The following TRABD2B variants were observed in gnomAD, a reference collection of about 807,000 sequenced individuals.
TRABD2B encodes the protein TraB domain containing 2B.
TRABD2B carries 14 observed loss-of-function variants against 40.1 expected under a neutral mutation model. That is an observed-to-expected ratio of 0.35 (90% CI 0.23 to 0.55). TRABD2B has a LOEUF of 0.55. Among genes scored for constraint, TRABD2B ranks in the 20% least tolerant of loss-of-function variants. The pLI is 0.90. For synonymous variants in TRABD2B, 263 were observed against 277.0 expected (o/e 0.95, Z 0.50); for missense variants, 541 against 648.6 (o/e 0.83, Z 1.80).
intron 2 of TRABD2B, among the ~76,000 whole-genome samples, chr1:47,991,263 T>C (rs574064214): frequency 6.6e-6 from 1 of 152,252 alleles, no homozygotes; most frequent in Admixed American, 6.5e-5. Flanking sequence ...GAGAATTCAA[T>C]GCAGTGGAAA....
At chr1:47,795,874 G>A (rs929198866) in intron 3 of TRABD2B, among the ~76,000 whole-genome samples, 2 of 152,116 alleles carry the variant, frequency 1.3e-5, no homozygotes, top group Non-Finnish European at 2.9e-5. Context: ...AACCTAGCTT[G>A]GAGCTGCCTA....
At chr1:47,945,531 T>C (rs957748341) in intron 2 of TRABD2B, among the ~76,000 whole-genome samples, 2 of 152,234 alleles carry the variant, frequency 1.3e-5, no homozygotes, top group African/African-American at 4.8e-5. Flanking sequence ...AATTGAGATA[T>C]AAAACAGTTC....
chr1:47,801,191 G>A (rs376012877), intron 3 of TRABD2B, among the ~76,000 whole-genome samples: 69 of 152,304 alleles, frequency 4.5e-4, no homozygotes, highest in African/African-American at 1.5e-3. Context: ...GAACCTCTGA[G>A]GCCTCCCTGG....
At chr1:47,981,804 A>G (rs1645844171) in intron 2 of TRABD2B, among the ~76,000 whole-genome samples, 1 of 152,258 alleles carries the variant, frequency 6.6e-6, no homozygotes, top group Non-Finnish European at 1.5e-5. Flanking sequence ...CTGAGAGCAT[A>G]GAGCACCTGA....
intron 2 of TRABD2B, among the ~76,000 whole-genome samples, chr1:47,925,008 T>C (rs1644951321): frequency 6.6e-6 from 1 of 152,226 alleles, no homozygotes; most frequent in Admixed American, 6.5e-5. Context: ...CTTTGATTCC[T>C]GGGAAGTCAC....
chr1:47,981,610 A>G (rs879484499), intron 2 of TRABD2B, among the ~76,000 whole-genome samples: 14 of 152,020 alleles, frequency 9.2e-5, no homozygotes, highest in Non-Finnish European at 1.5e-4. Flanking sequence ...CACTAGCCCC[A>G]TATACCTCTC....
At chr1:47,897,827 T>C (rs1007507170) in intron 2 of TRABD2B, among the ~76,000 whole-genome samples, 5 of 152,222 alleles carry the variant, frequency 3.3e-5, no homozygotes, top group Non-Finnish European at 7.3e-5. Context: ...ATTCTTAAGC[T>C]GGAACTGACC....
chr1:47,882,605 TAAC>T (rs1187199858), intron 2 of TRABD2B, among the ~76,000 whole-genome samples: 1 of 152,104 alleles, frequency 6.6e-6, no homozygotes, highest in Non-Finnish European at 1.5e-5. Flanking sequence ...ACCTTGTATC[TAAC>T]ACAGACAGCA....
chr1:47,795,157 C>T (rs1224282968), intron 3 of TRABD2B, among the ~76,000 whole-genome samples: 1 of 152,204 alleles, frequency 6.6e-6, no homozygotes, highest in African/African-American at 2.4e-5. Context: ...TTATGAGGCC[C>T]CTACAGTGGG....
intron 2 of TRABD2B, among the ~76,000 whole-genome samples, chr1:47,938,738 G>C (rs952749205): frequency 2.6e-5 from 4 of 152,188 alleles, no homozygotes; most frequent in Admixed American, 6.5e-5. Context: ...AACTCCAGCA[G>C]GAAGCACACA....
chr1:47,828,417 T>G (rs537332316), intron 2 of TRABD2B, among the ~76,000 whole-genome samples: 1 of 152,326 alleles, frequency 6.6e-6, no homozygotes, highest in South Asian at 2.1e-4. Context: ...TTGCCCCTCC[T>G]GTCTTCCCAT....
chr1:47,948,009 A>G (rs1645284024), intron 2 of TRABD2B, among the ~76,000 whole-genome samples: 1 of 152,166 alleles, frequency 6.6e-6, no homozygotes, highest in African/African-American at 2.4e-5. Flanking sequence ...AAGTACCCCA[A>G]AAGGCTCTGA....
chr1:47,810,569 G>A (rs553087848), intron 2 of TRABD2B, among the ~76,000 whole-genome samples: 2 of 152,162 alleles, frequency 1.3e-5, no homozygotes, highest in South Asian at 2.1e-4. Context: ...GTGAGGCGAC[G>A]GACCTGTGTT....
At chr1:47,820,298 GT>G (rs1166251115) in intron 2 of TRABD2B, 1 of 152,238 alleles carries the variant, frequency 6.6e-6, no homozygotes, top group East Asian at 1.9e-4. Flanking sequence ...TGTAAGTCCA[GT>G]CCCCCTGAGC....
rs546995787 is a variant in TRABD2B at position 47,775,208 on chromosome 1, C to T, written c.1311G>A (p.Pro437=). The change falls in exon 6 of 7, where the codon CCG becomes CCA. Residue 437 remains proline, a synonymous_variant. Coordinates refer to ENST00000606738, the MANE Select transcript of TRABD2B (RefSeq NM_001194986.2). ...GGACCCAGAGGTCATTGAACTGCCG[C>T]GGCCGCTGGTGTGTGCTCTGCCTCT... ...WHKRQSTHQR[P]RQFNDLWVRI... 76 of 1,240,416 alleles carry T rather than the reference C, an allele frequency of 6.1e-5. No homozygotes were observed. Among genetic ancestry groups the T allele is most frequent in the East Asian group, 3.1e-4 (10 of 31,964 alleles). 76.8% of individuals were successfully genotyped at this position (1,240,416 alleles called of 1,614,324 possible).
intron 2 of TRABD2B, among the ~76,000 whole-genome samples, chr1:47,979,190 C>T (rs1226311190): frequency 6.6e-6 from 1 of 150,562 alleles, no homozygotes; most frequent in Non-Finnish European, 1.5e-5. Context: ...GGGAACAATG[C>T]GGGAAGGGGG....
intron 2 of TRABD2B, among the ~76,000 whole-genome samples, chr1:47,980,781 T>C (rs1218928399): frequency 6.6e-6 from 1 of 152,102 alleles, no homozygotes; most frequent in Non-Finnish European, 1.5e-5. Flanking sequence ...CCACAGACTT[T>C]CTCCTCACAC....
intron 2 of TRABD2B, among the ~76,000 whole-genome samples, chr1:47,809,001 G>A (rs1302906780): frequency 1.3e-5 from 2 of 152,068 alleles, no homozygotes; most frequent in Admixed American, 6.5e-5. Flanking sequence ...CCTGGTTCAC[G>A]GCCTCCCCAG....
At chr1:47,992,505 G>A (rs923437783) in intron 2 of TRABD2B, among the ~76,000 whole-genome samples, 2 of 152,168 alleles carry the variant, frequency 1.3e-5, no homozygotes, top group Non-Finnish European at 1.5e-5. Flanking sequence ...CAAAGAGAGT[G>A]TTGAGAGTGA....
Sources: allele counts gnomAD v4.1 joint callset (sites outside exome capture counted in the v4.1 genomes callset), GRCh38; gene constraint gnomAD v4.1.1; transcripts MANE v1.5; gene names NCBI Gene and HGNC (gene_info 2026-07-23, HGNC 2026-07-21).